Variants in IAH1 observed in about 807,000 individuals in gnomAD.
IAH1 encodes isoamyl acetate hydrolyzing esterase 1 (putative).
In IAH1, 24 loss-of-function variants were observed where a neutral mutation model predicts 26.7. That is an observed-to-expected ratio of 0.90 (90% CI 0.65 to 1.26). The LOEUF is 1.26. IAH1 is among the 50% of genes most tolerant of loss of function. IAH1 has a pLI of 0.00. For synonymous variants in IAH1, 140 were observed against 118.5 expected (o/e 1.18, Z -1.18); for missense variants, 300 against 299.9 (o/e 1.00, Z 0.00).
chr2:9,494,996 A>G, intron 6 of IAH1: 1 of 402,484 alleles, frequency 2.5e-6, no homozygotes, highest in African/African-American at 2.0e-5. Context: ...GCAGAGAAAA[A>G]TCCATTCTAG....
chr2:9,488,486 T>G lies in IAH1; in HGVS notation c.*157T>G. On this transcript the variant is annotated 3_prime_UTR_variant, in exon 6 of 6. Coordinates refer to ENST00000497473, the MANE Select transcript of IAH1 (RefSeq NM_001039613.3). Reference sequence around the variant, plus strand: ...CAGGGAAGTTTTATACTTAGGTCCATTGTGTTTCGACAGTATTTATTAATG... The same window carrying G: ...CAGGGAAGTTTTATACTTAGGTCCAGTGTGTTTCGACAGTATTTATTAATG... The G allele has an allele frequency of 1.1e-5, 6 of 531,694 alleles. No homozygotes were observed. Among genetic ancestry groups the G allele is most frequent in the Non-Finnish European group, 1.9e-5 (6 of 311,808 alleles). 32.9% of individuals were successfully genotyped at this position (531,694 alleles called of 1,614,324 possible).
At chr2:9,511,617 T>C in the IAH1 span, among the ~76,000 whole-genome samples, 1 of 152,228 alleles carries the variant, frequency 6.6e-6, no homozygotes, top group Non-Finnish European at 1.5e-5. Context: ...GATTTCTATA[T>C]GAATAATAAA....
intron 1 of IAH1, chr2:9,475,736 T>C (rs966981491): frequency 1.8e-6 from 1 of 545,154 alleles, no homozygotes; most frequent in East Asian, 3.2e-5. Flanking sequence ...CGAGACCTCA[T>C]GTGATCCGCC....
At chr2:9,490,991 C>G, downstream of IAH1, 1 of 954,270 alleles carries the variant, frequency 1.0e-6, no homozygotes, top group Non-Finnish European at 1.6e-6. Flanking sequence ...CCTGCTGCAA[C>G]ATGACCTTCC....
At chr2:9,507,714 C>CT in the IAH1 span, among the ~76,000 whole-genome samples, 2 of 147,730 alleles carry the variant, frequency 1.4e-5, no homozygotes, top group Admixed American at 6.8e-5. Flanking sequence ...TTAGCAAGTT[C>CT]TTTTTTTTCT....
chr2:9,496,764 C>G (rs1309123933), downstream of IAH1, among the ~76,000 whole-genome samples: 1 of 152,184 alleles, frequency 6.6e-6, no homozygotes, highest in African/African-American at 2.4e-5. Flanking sequence ...TAGATAGCTA[C>G]TGCTGCTTTT....
downstream of IAH1, chr2:9,489,761 G>A (rs895479845): frequency 1.6e-5 from 2 of 124,652 alleles, no homozygotes; most frequent in African/African-American, 6.2e-5. Context: ...TATTCCAGTT[G>A]TCATCACAAA....
chr2:9,494,124 TG>T (rs1222259359), downstream of IAH1, among the ~76,000 whole-genome samples: 20 of 152,152 alleles, frequency 1.3e-4, no homozygotes, highest in African/African-American at 4.8e-4. Flanking sequence ...ACATACACAG[TG>T]GACAGTGAAC....
At position 9,474,786 on chromosome 2, in the gene IAH1, G is replaced by A; in HGVS notation, c.81+139G>A. On this transcript the variant is annotated intron_variant, in intron 1 of 5. Transcript: ENST00000497473. The surrounding 1 kb of genome is among the most constrained non-coding windows in gnomAD (Gnocchi z 4.3). ...CCTGGCCACGCCCGTGGAGACACCGGAGGAGTGGCGGGTCCCCCAGTGGCT... is the reference window on the plus strand; with the variant it reads ...CCTGGCCACGCCCGTGGAGACACCGAAGGAGTGGCGGGTCCCCCAGTGGCT... The A allele has an allele frequency of 6.4e-6, 4 of 622,566 alleles. No individual in the cohort carries two copies. The highest frequency in any genetic ancestry group is 3.7e-5 in the East Asian group (1 of 26,876). 38.6% of individuals were successfully genotyped at this position (622,566 alleles called of 1,614,324 possible). A position where few individuals can be genotyped will look rare whatever the true frequency, so the allele number is the denominator to read the frequency against.
chr2:9,499,590 C>G (rs147269621), downstream of IAH1, among the ~76,000 whole-genome samples: 2,059 of 152,004 alleles, frequency 0.014, 187 homozygotes, highest in Admixed American at 0.13. Context: ...TTTTAGTAGA[C>G]ACAGGGTTTC....
At chr2:9,496,764 C>T (rs1309123933), downstream of IAH1, among the ~76,000 whole-genome samples, 1 of 152,184 alleles carries the variant, frequency 6.6e-6, no homozygotes, top group Admixed American at 6.5e-5. Flanking sequence ...TAGATAGCTA[C>T]TGCTGCTTTT....
chr2:9,486,267 G>A (rs959175082), intron 5 of IAH1: 3 of 152,134 alleles, frequency 2.0e-5, no homozygotes, highest in African/African-American at 7.2e-5. Flanking sequence ...CTGAAACCCT[G>A]GAGTACTGGA....
At chr2:9,497,576 G>T (rs976294795), downstream of IAH1, among the ~76,000 whole-genome samples, 2 of 152,180 alleles carry the variant, frequency 1.3e-5, no homozygotes, top group African/African-American at 4.8e-5. Context: ...TTTGTATGAA[G>T]GCTTAAAAGA....
chr2:9,497,325 T>G (rs1055342772), downstream of IAH1: 1 of 1,570,558 alleles, frequency 6.4e-7, no homozygotes, highest in Non-Finnish European at 8.6e-7. Flanking sequence ...ATACGCTGTT[T>G]CTCATACAAG....
chr2:9,488,141 T>A lies in IAH1; in HGVS notation c.565-6T>A, dbSNP rs1661729957. On this transcript the variant is annotated splice_region_variant and splice_polypyrimidine_tract_variant and intron_variant, in intron 5 of 5. Transcript: ENST00000497473. ...CCCACCTTTAACCGATTTCTCTCCC[T>A]TCTAGGACTTCTCATCTTATTTATC... The A allele has an allele frequency of 1.3e-6, 2 of 1,596,632 alleles. No homozygotes were observed. The highest frequency in any genetic ancestry group is 2.7e-5 in the African/African-American group (2 of 74,370).
intron 5 of IAH1, among the ~76,000 whole-genome samples, chr2:9,487,788 T>TTGTG (rs70948823): frequency 0.011 from 1,413 of 133,934 alleles, 7 homozygotes; most frequent in African/African-American, 0.016. Flanking sequence ...CCCGGCCTTT[T>TTGTG]TGTGTGTGTG....
intron 4 of IAH1, among the ~76,000 whole-genome samples, chr2:9,483,894 A>G (rs895467707): frequency 2.2e-4 from 33 of 152,240 alleles, no homozygotes; most frequent in Admixed American, 7.9e-4. Context: ...AGGACGGTTA[A>G]GCTGTTCAGG....
At chr2:9,501,143 A>G (rs1447989377), downstream of IAH1, among the ~76,000 whole-genome samples, 1 of 152,216 alleles carries the variant, frequency 6.6e-6, no homozygotes, top group Admixed American at 6.5e-5. Context: ...TTTTTAAAAA[A>G]TGAACCAAAT....
At chr2:9,485,924 G>A (rs1661450207) in intron 5 of IAH1, 1 of 136,798 alleles carries the variant, frequency 7.3e-6, no homozygotes, top group African/African-American at 2.5e-5. Context: ...CTCAAGGGAA[G>A]GAAGGATCCA....
Sources: allele counts gnomAD v4.1 joint callset (sites outside exome capture counted in the v4.1 genomes callset), GRCh38; gene constraint gnomAD v4.1.1; non-coding constraint Gnocchi (gnomAD v3.1); transcripts MANE v1.5; gene names NCBI Gene and HGNC (gene_info 2026-07-23, HGNC 2026-07-21).